FSTL4: variants seen among roughly 807,000 people sequenced by gnomAD.
FSTL4 encodes follistatin like 4, also known as follistatin-related protein 4.
In FSTL4, 28 loss-of-function variants were observed where a neutral mutation model predicts 78.2. The observed-to-expected ratio is 0.36, with a 90% CI of 0.27 to 0.49. FSTL4 has a LOEUF of 0.49. Ranked by LOEUF, FSTL4 falls within the 20% of genes least tolerant of loss-of-function variation. The pLI is 0.98. For synonymous variants in FSTL4, 422 were observed against 440.5 expected, an observed-to-expected ratio of 0.96 and a Z score of 0.53; for missense variants, 922 against 1,084.9, an observed-to-expected ratio of 0.85 and a Z score of 2.11.
At chr5:133,692,158 C>T in the FSTL4 span, among the ~76,000 whole-genome samples, 1 of 152,062 alleles carries the variant, frequency 6.6e-6, no homozygotes, top group African/African-American at 2.4e-5. Flanking sequence ...TAGGAGTCTG[C>T]CAGATGGATA....
At chr5:133,320,971 C>T (rs1197935164) in intron 4 of FSTL4, among the ~76,000 whole-genome samples, 1 of 146,726 alleles carries the variant, frequency 6.8e-6, no homozygotes, top group Non-Finnish European at 1.5e-5. Flanking sequence ...CACGCCACTG[C>T]ACTCCAGCCT....
At chr5:133,365,159 G>A (rs891780552) in intron 4 of FSTL4, among the ~76,000 whole-genome samples, 1 of 151,898 alleles carries the variant, frequency 6.6e-6, no homozygotes, top group Non-Finnish European at 1.5e-5. Flanking sequence ...CTCCTTTTAC[G>A]AGGAGTTTGA....
At chr5:133,447,618 C>T (rs1363427154) in intron 3 of FSTL4, among the ~76,000 whole-genome samples, 1 of 152,220 alleles carries the variant, frequency 6.6e-6, no homozygotes, top group Non-Finnish European at 1.5e-5. Flanking sequence ...CAGCTCACTG[C>T]AACCTCCGTC....
In FSTL4 at chr5:133,199,249, T is replaced by G; in HGVS notation, c.2375A>C (p.His792Pro). The G allele has an allele frequency of 6.2e-7, 1 of 1,613,780 alleles. No homozygotes were observed. Among genetic ancestry groups the G allele is most frequent in the East Asian group, 2.2e-5 (1 of 44,852 alleles). ...CAGCCCACTGTCCCTCATGATTCTG[T>G]GGGTACCCCCCCAGGGCTGAGCTGG... The part of the protein sequence containing the change: ...AGPAQPWGGT[H>P]RIMRDSGLFG... Residue 792 changes from histidine to proline, a missense_variant, in exon 16 of 16, where the codon CAC becomes CCC. Transcript: ENST00000265342. The surrounding 1 kb of genome is among the most constrained non-coding windows in gnomAD (Gnocchi z 4.4).
intron 6 of FSTL4, among the ~76,000 whole-genome samples, chr5:133,259,894 G>A (rs767673730): frequency 6.6e-6 from 1 of 152,110 alleles, no homozygotes; most frequent in Non-Finnish European, 1.5e-5. Flanking sequence ...GGTGAAGCAG[G>A]CTGGGAGGGG....
At chr5:133,450,056 T>G (rs1757350722) in intron 3 of FSTL4, among the ~76,000 whole-genome samples, 2 of 152,184 alleles carry the variant, frequency 1.3e-5, no homozygotes, top group Non-Finnish European at 2.9e-5. Context: ...CCTGTACAAG[T>G]GGCTTTGGAA....
At position 133,225,068 on chromosome 5, in the gene FSTL4, G is replaced by C. The variant is rs73273884; in HGVS notation, c.1312+82C>G. The C allele has an allele frequency of 0.018, 27,090 of 1,502,268 alleles. 3,249 individuals carry two copies. The African/African-American group carries it at 0.28, about 16-fold the overall frequency. 93.1% of individuals were successfully genotyped at this position (1,502,268 alleles called of 1,614,324 possible). Reference sequence around the variant, plus strand: ...CACGGGCTCATGGTTGGCAGCTGTGGCCCTGGTCAATTGGTGCCCTCCCTT... The same window carrying C: ...CACGGGCTCATGGTTGGCAGCTGTGCCCCTGGTCAATTGGTGCCCTCCCTT... On this transcript the variant is annotated intron_variant, in intron 10 of 15. Transcript: ENST00000265342. This position sits in a 1 kb window ranked among gnomAD's most constrained non-coding sequence, Gnocchi z 4.6.
At chr5:133,343,412 C>T (rs1345601395) in intron 4 of FSTL4, among the ~76,000 whole-genome samples, 1 of 152,220 alleles carries the variant, frequency 6.6e-6, no homozygotes, top group African/African-American at 2.4e-5. Flanking sequence ...GGCCACCTCT[C>T]TGTTCCTGGG....
At chr5:133,801,143 C>T in the FSTL4 span, among the ~76,000 whole-genome samples, 6 of 152,146 alleles carry the variant, frequency 3.9e-5, no homozygotes, top group African/African-American at 1.2e-4. Flanking sequence ...TTCTGTTCCT[C>T]GGGCCCCAGG....
chr5:133,266,050 C>T (rs906401568), intron 6 of FSTL4, among the ~76,000 whole-genome samples: 6 of 152,194 alleles, frequency 3.9e-5, no homozygotes, highest in African/African-American at 1.2e-4. Flanking sequence ...GCTAAGCCCT[C>T]GCTAAGGGTG....
chr5:133,828,289 A>AT, the FSTL4 span, among the ~76,000 whole-genome samples: 3 of 152,170 alleles, frequency 2.0e-5, no homozygotes, highest in Admixed American at 2.0e-4. Flanking sequence ...TTCTAAGTAC[A>AT]TATGTATAGG....
intron 4 of FSTL4, among the ~76,000 whole-genome samples, chr5:133,390,553 C>T (rs1755822176): frequency 6.6e-6 from 1 of 152,250 alleles, no homozygotes; most frequent in Admixed American, 6.5e-5. Context: ...ACCCAGGATG[C>T]TGTACAGGGC....
At chr5:133,237,701 G>A (rs1445383433) in intron 7 of FSTL4, among the ~76,000 whole-genome samples, 2 of 152,204 alleles carry the variant, frequency 1.3e-5, no homozygotes, top group African/African-American at 4.8e-5. Flanking sequence ...CTCATTGGAT[G>A]TGAGAAGAGA....
chr5:133,252,091 A>G (rs1367872067), intron 6 of FSTL4: 1 of 152,310 alleles, frequency 6.6e-6, no homozygotes, highest in East Asian at 1.9e-4. Context: ...TGGAAGCTAG[A>G]GACACAGAGC....
At chr5:133,530,312 G>A (rs1011304545) in intron 3 of FSTL4, among the ~76,000 whole-genome samples, 23 of 152,182 alleles carry the variant, frequency 1.5e-4, no homozygotes, top group African/African-American at 5.3e-4. Context: ...CCGCAGAAAT[G>A]CCTCCCCACT....
At chr5:133,292,981 T>G (rs1480037474) in intron 6 of FSTL4, among the ~76,000 whole-genome samples, 3 of 152,232 alleles carry the variant, frequency 2.0e-5, no homozygotes, top group Non-Finnish European at 4.4e-5. Context: ...TTGGGTGATA[T>G]TTCTCCTTCG....
At chr5:133,311,011 G>A (rs1205043553) in intron 6 of FSTL4, among the ~76,000 whole-genome samples, 2 of 152,138 alleles carry the variant, frequency 1.3e-5, no homozygotes, top group Non-Finnish European at 2.9e-5. Flanking sequence ...TATAACAACC[G>A]GCTCCCTAGA....
chr5:133,737,730 T>C, the FSTL4 span, among the ~76,000 whole-genome samples: 1 of 149,620 alleles, frequency 6.7e-6, no homozygotes, highest in Non-Finnish European at 1.5e-5. Context: ...TCAGCCTCCC[T>C]AGTAGCTGGG....
chr5:133,325,968 T>C (rs1580618822), intron 4 of FSTL4, among the ~76,000 whole-genome samples: 1 of 152,350 alleles, frequency 6.6e-6, no homozygotes, highest in East Asian at 1.9e-4. Context: ...CCTGGCTTAA[T>C]TGTCTGGCAC....
Sources: gnomAD v4.1 joint callset for allele counts (sites outside exome capture counted in the v4.1 genomes callset) on GRCh38, gnomAD v4.1.1 for gene constraint, Gnocchi (gnomAD v3.1) non-coding constraint, MANE v1.5 for transcripts, NCBI Gene and HGNC (gene_info 2026-07-23, HGNC 2026-07-21) for gene names.